The following CCAR1 variants were observed in gnomAD, a reference collection of about 807,000 sequenced individuals.
CCAR1 encodes cell division cycle and apoptosis regulator 1.
A neutral mutation model predicts 163.8 loss-of-function variants in CCAR1; 78 were observed. The ratio of observed to expected loss-of-function variants is 0.48; its 90% CI spans 0.40 to 0.57. CCAR1 has a LOEUF of 0.57. Among genes scored for constraint, CCAR1 ranks in the 20% least tolerant of loss-of-function variants. CCAR1 has a pLI of 0.00. For missense variants in CCAR1, 1,019 were observed against 1,365.2 expected (o/e 0.75, Z 4.00); for synonymous variants, 443 against 460.7 (o/e 0.96, Z 0.49).
chr10:68,759,585 A>G (rs1035726665), intron 15 of CCAR1, among the ~76,000 whole-genome samples: 11 of 151,924 alleles, frequency 7.2e-5, no homozygotes, highest in Admixed American at 3.9e-4. Flanking sequence ...TTAGCTGAGC[A>G]TGGTGATGCA....
At chr10:68,773,263 T>C (rs1488927944) in intron 19 of CCAR1, among the ~76,000 whole-genome samples, 164 bp downstream of exon 19, 1 of 152,154 alleles carries the variant, frequency 6.6e-6, no homozygotes, top group Non-Finnish European at 1.5e-5. Context: ...GGTGAGAAGA[T>C]TGTTTGAAGA....
intron 16 of CCAR1, among the ~76,000 whole-genome samples, chr10:68,763,472 GA>G (rs2056499967): frequency 6.6e-6 from 1 of 151,718 alleles, no homozygotes; most frequent in Admixed American, 6.6e-5. Flanking sequence ...TTTTGAGACG[GA>G]GTCTCTCTCT....
chr10:68,790,247 C>T (rs536133386), intron 24 of CCAR1, among the ~76,000 whole-genome samples: 8 of 151,824 alleles, frequency 5.3e-5, no homozygotes, highest in Non-Finnish European at 8.8e-5. Flanking sequence ...ATCCTAGCTA[C>T]CCGGAAGGCT....
intron 22 of CCAR1, 44 bp from the exon 23 acceptor site, chr10:68,788,095 TAAAG>T (rs1415814076): frequency 6.6e-7 from 1 of 1,526,466 alleles, no homozygotes; most frequent in South Asian, 1.3e-5. Flanking sequence ...TACTAGTAAT[TAAAG>T]AAGAAAAATA....
At chr10:68,727,741 A>G (rs1258197360) in intron 2 of CCAR1, among the ~76,000 whole-genome samples, 1 of 152,202 alleles carries the variant, frequency 6.6e-6, no homozygotes, top group Non-Finnish European at 1.5e-5. Flanking sequence ...AGAGACGTTG[A>G]GAGAAATGGC....
intron 6 of CCAR1, among the ~76,000 whole-genome samples, 172 bp from the exon 7 acceptor site, chr10:68,746,989 A>T (rs2056264888): frequency 1.3e-5 from 2 of 151,822 alleles, no homozygotes; most frequent in Admixed American, 6.6e-5. Context: ...TGTGCTGCAC[A>T]CCCATCTACT....
At chr10:68,769,284 C>CTT (rs912696204) in intron 17 of CCAR1, among the ~76,000 whole-genome samples, 6 of 152,202 alleles carry the variant, frequency 3.9e-5, no homozygotes, top group African/African-American at 1.4e-4. Flanking sequence ...CGTTTTAGCC[C>CTT]TTTTTAAGAG....
At chr10:68,745,265 C>T (rs1476741430) in intron 6 of CCAR1, among the ~76,000 whole-genome samples, 1 of 152,222 alleles carries the variant, frequency 6.6e-6, no homozygotes, top group East Asian at 1.9e-4. Flanking sequence ...CTCAGCCTCC[C>T]AAAGTCCTGG....
intron 15 of CCAR1, among the ~76,000 whole-genome samples, chr10:68,759,667 C>T (rs952175123): frequency 2.0e-5 from 3 of 151,556 alleles, no homozygotes; most frequent in Non-Finnish European, 4.4e-5. Context: ...AATGCTGCCG[C>T]GGTGAGCCGT....
intron 8 of CCAR1, 128 bp downstream of exon 8, chr10:68,747,694 C>T: frequency 2.9e-6 from 2 of 694,078 alleles, no homozygotes; most frequent in Non-Finnish European, 4.8e-6. Context: ...GAATAGGACA[C>T]ATCTACTTCC....
Position 68,766,148 on chromosome 10 carries a change from T to C in CCAR1, c.2298+69T>C, listed in dbSNP as rs2056532444. The C allele has an allele frequency of 1.4e-5, 13 of 925,126 alleles. No individual in the cohort carries two copies. In the South Asian group the frequency reaches 2.2e-4, roughly 16 times the overall value. 57.3% of individuals were successfully genotyped at this position (925,126 alleles called of 1,614,324 possible). A position where few individuals can be genotyped will look rare whatever the true frequency, so the allele number is the denominator to read the frequency against. On this transcript the variant is annotated intron_variant, in intron 17 of 24. Transcript: ENST00000265872. ...ATTATGACTAGTTAATATATCTCTA[T>C]CTCTGAAATCTTTTTTCTTTGTTTT...
Position 68,747,406 on chromosome 10 carries a change from T to G in CCAR1, c.666T>G (p.Thr222=). 6.2e-7 allele frequency: 1 copy of G among 1,614,112 alleles called. No individual in the cohort carries two copies. Among genetic ancestry groups the G allele is most frequent in the African/African-American group, 1.3e-5 (1 of 75,040 alleles). ...CGCAAACCCAGCCATTACTGAAGAC[T>G]CCTCCTGCTGTACTTCAGCCAATTG... ...NQSQTQPLLK[T]PPAVLQPIAP... Residue 222 remains threonine, a synonymous_variant, in exon 8 of 25, where the codon ACT becomes ACG. Transcript: ENST00000265872.
At chr10:68,737,978 C>A in intron 4 of CCAR1, 89 bp downstream of exon 4, 1 of 873,778 alleles carries the variant, frequency 1.1e-6, no homozygotes, top group Non-Finnish European at 1.8e-6. Flanking sequence ...TTTCTATCAG[C>A]TACCTTAACA....
At position 68,737,868 on chromosome 10, in the gene CCAR1, C is replaced by T. The variant is rs1323242883; in HGVS notation, c.270C>T (p.Ala90=). 5.0e-6 allele frequency: 8 copies of T among 1,590,782 alleles called. No individual in the cohort carries two copies. Among genetic ancestry groups the T allele is most frequent in the African/African-American group, 1.4e-5 (1 of 73,464 alleles). ...LQQQYSQPQQ[A]LYSVQQQLQQ... ...AGCAATATTCACAACCTCAGCAGGCCCTGTATAGTGTGCAACAACAGGTTA... is the reference window on the plus strand; with the variant it reads ...AGCAATATTCACAACCTCAGCAGGCTCTGTATAGTGTGCAACAACAGGTTA... The change falls in exon 4 of 25, where the codon GCC becomes GCT. Residue 90 remains alanine (A), a synonymous_variant. Transcript: ENST00000265872.
At chr10:68,728,953 GAAA>G (rs746099335) in intron 2 of CCAR1, among the ~76,000 whole-genome samples, 1 of 107,836 alleles carries the variant, frequency 9.3e-6, no homozygotes. Flanking sequence ...CTCCGTCCCA[GAAA>G]AAAAAAAAAA....
chr10:68,761,018 C>T lies in CCAR1; in HGVS notation c.1932C>T (p.Leu644=). ...LDPKTMKVND[L]RKELESRALS... Reference sequence around the variant, plus strand: ...CTCCATATATTCAGGTAAATGACCTCCGAAAAGAATTAGAAAGTCGAGCTC... The same window carrying T: ...CTCCATATATTCAGGTAAATGACCTTCGAAAAGAATTAGAAAGTCGAGCTC... Residue 644 remains leucine, a synonymous_variant, in exon 16 of 25, where the codon CTC becomes CTT. Transcript: ENST00000265872. 1 of 1,433,056 alleles carries T rather than the reference C, an allele frequency of 7.0e-7. No homozygotes were observed. The highest frequency in any genetic ancestry group is 9.3e-7 in the Non-Finnish European group (1 of 1,079,856). 88.8% of individuals were successfully genotyped at this position (1,433,056 alleles called of 1,614,324 possible).
At chr10:68,754,502 A>G (rs2056374718) in intron 11 of CCAR1, among the ~76,000 whole-genome samples, 1 of 152,192 alleles carries the variant, frequency 6.6e-6, no homozygotes, top group Non-Finnish European at 1.5e-5. Flanking sequence ...AAACTAAGTA[A>G]TTATAAGGTA....
chr10:68,729,120 T>C (rs1020202060), intron 2 of CCAR1, among the ~76,000 whole-genome samples: 1 of 152,220 alleles, frequency 6.6e-6, no homozygotes, highest in African/African-American at 2.4e-5. Flanking sequence ...TAATTGTTAT[T>C]AATTTAAATG....
chr10:68,788,971 G>A (rs1398601453), intron 23 of CCAR1, among the ~76,000 whole-genome samples: 2 of 151,500 alleles, frequency 1.3e-5, no homozygotes, highest in Non-Finnish European at 2.9e-5. Context: ...GTGCAGTGGG[G>A]CTATCTTGGC....
Sources: gnomAD v4.1 joint callset for allele counts (sites outside exome capture counted in the v4.1 genomes callset) on GRCh38, gnomAD v4.1.1 for gene constraint, MANE v1.5 for transcripts, NCBI Gene and HGNC (gene_info 2026-07-23, HGNC 2026-07-21) for gene names.